Variants in CEP19 observed in about 807,000 individuals in gnomAD.
The protein encoded by CEP19 is centrosomal protein of 19 kDa.
A neutral mutation model predicts 17.5 loss-of-function variants in CEP19; 14 were observed. The ratio of observed to expected loss-of-function variants is 0.80; its 90% CI spans 0.53 to 1.25. CEP19 has a LOEUF of 1.25. CEP19 is among the 50% of genes most tolerant of loss of function. The pLI is 0.00. For synonymous variants in CEP19, 59 were observed against 65.5 expected, an observed-to-expected ratio of 0.90 and a Z score of 0.48; for missense variants, 193 against 192.0, an observed-to-expected ratio of 1.01 and a Z score of -0.03.
At chr3:196,710,187 T>C (rs1026589599) in intron 1 of CEP19, among the ~76,000 whole-genome samples, 2 of 152,350 alleles carry the variant, frequency 1.3e-5, no homozygotes, top group African/African-American at 2.4e-5. Context: ...TTTTATTTTA[T>C]GGATGTACTA....
chr3:196,708,780 C>T, intron 1 of CEP19, 53 bp from the exon 2 acceptor site: 1 of 974,732 alleles, frequency 1.0e-6, no homozygotes, highest in Non-Finnish European at 1.5e-6. Flanking sequence ...TTCCCCTCGC[C>T]CCTTTGCCCC....
Position 196,707,748 on chromosome 3 carries a change from T to G in CEP19, c.295A>C (p.Ile99Leu). Residue 99 changes from isoleucine (I) to leucine (L), a missense_variant, in exon 3 of 3, where the codon ATT becomes CTT. Transcript: ENST00000409690. ...TTGTTCAGGTCTTCCTCAGGATCAATGGTTGTTTCCCGTTGAATTTGTTCC... is the reference window on the plus strand; with the variant it reads ...TTGTTCAGGTCTTCCTCAGGATCAAGGGTTGTTTCCCGTTGAATTTGTTCC... ...TMEQIQRETT[I>L]DPEEDLNKLD... 1 of 1,614,196 alleles carries G rather than the reference T, an allele frequency of 6.2e-7. No individual in the cohort carries two copies. Among genetic ancestry groups the G allele is most frequent in the South Asian group, 1.1e-5 (1 of 91,082 alleles).
At chr3:196,709,851 T>C (rs28454416) in intron 1 of CEP19, among the ~76,000 whole-genome samples, 92 of 152,296 alleles carry the variant, frequency 6.0e-4, no homozygotes, top group African/African-American at 2.1e-3. Context: ...TCAAGAAACA[T>C]TGAGGTAAAG....
chr3:196,707,877 G>T lies in CEP19; in HGVS notation c.166C>A (p.Pro56Thr). ...TGTTCTAGGTAACTCTTGTGTCGCG[G>T]ATTATTCTTTAATTGTTCAGCAGCT... Reference protein sequence around the residue: ...TRAAEQLKNNPRHKSYLEQVS... With the variant: ...TRAAEQLKNNTRHKSYLEQVS... The change falls in exon 3 of 3, where the codon CCG (proline) becomes ACG (threonine). Residue 56 changes from proline to threonine, a missense_variant. Physicochemically the swap from Pro to Thr is conservative, Grantham distance 38. Transcript: ENST00000409690. 6.2e-7 allele frequency: 1 copy of T among 1,612,848 alleles called. No homozygotes were observed. Among genetic ancestry groups the T allele is most frequent in the Non-Finnish European group, 8.5e-7 (1 of 1,179,970 alleles).
chr3:196,710,806 C>T (rs963062658), intron 1 of CEP19, among the ~76,000 whole-genome samples: 12 of 134,856 alleles, frequency 8.9e-5, no homozygotes, highest in African/African-American at 3.1e-4. Flanking sequence ...GGTGCCACTG[C>T]ACAACAGCCT....
Position 196,707,799 on chromosome 3 carries a change from A to G in CEP19, c.244T>C (p.Ser82Pro). Residue 82 changes from serine (S) to proline (P), a missense_variant, in exon 3 of 3, where the codon TCG becomes CCG. Coordinates refer to ENST00000409690, the MANE Select transcript of CEP19 (RefSeq NM_032898.5). Reference sequence around the variant, plus strand: ...ATTGTTTCTGCCAGACTCTGCCCCGACAAGTAACCTCGTAAAAAACTGAAT... The same window carrying G: ...ATTGTTTCTGCCAGACTCTGCCCCGGCAAGTAACCTCGTAAAAAACTGAAT... ...KLFSFLRGYLSGQSLAETMEQ... is the reference protein window; with the variant it reads ...KLFSFLRGYLPGQSLAETMEQ... The G allele has an allele frequency of 6.2e-7, 1 of 1,614,128 alleles. No homozygotes were observed. Among genetic ancestry groups the G allele is most frequent in the South Asian group, 1.1e-5 (1 of 91,080 alleles).
intron 2 of CEP19, among the ~76,000 whole-genome samples, chr3:196,708,134 G>A (rs997807015): frequency 2.6e-5 from 4 of 152,054 alleles, no homozygotes; most frequent in Non-Finnish European, 2.9e-5. Flanking sequence ...ATACAGTTTT[G>A]ACTTCTTTAA....
chr3:196,706,429 C>A lies in CEP19; in HGVS notation c.*1122G>T, dbSNP rs1056355314. 6.6e-6 allele frequency: 1 copy of A among 152,180 alleles called. No homozygotes were observed. Among genetic ancestry groups the A allele is most frequent in the African/African-American group, 2.4e-5 (1 of 41,438 alleles). The allele number at this position is 152,180 out of a possible 1,614,324, so 9.4% of individuals were successfully genotyped here. On this transcript the variant is annotated 3_prime_UTR_variant, in exon 3 of 3. Transcript: ENST00000409690. ...GCTGTCTTGCAGATCCATTCATGAA[C>A]AGGCCTAAACTGGCAGTGCCTATTG...
chr3:196,710,155 CATTTT>C (rs1287047485), intron 1 of CEP19, among the ~76,000 whole-genome samples: 2 of 152,124 alleles, frequency 1.3e-5, no homozygotes, highest in Non-Finnish European at 2.9e-5. Flanking sequence ...TACAATGTAA[CATTTT>C]ATATGACTGC....
At chr3:196,710,883 T>G (rs1286492626) in intron 1 of CEP19, among the ~76,000 whole-genome samples, 3 of 147,778 alleles carry the variant, frequency 2.0e-5, no homozygotes, top group African/African-American at 7.4e-5. Context: ...TTTAAAAAAT[T>G]ACTGTGCTCT....
At position 196,712,117 on chromosome 3, in the gene CEP19, G is replaced by T. The variant is rs1311456268; in HGVS notation, c.-259C>A. On this transcript the variant is annotated 5_prime_UTR_variant, in exon 1 of 3. Coordinates refer to ENST00000409690, the MANE Select transcript of CEP19 (RefSeq NM_032898.5). ...GAGCCCGAGGGGTGAACTCCCCGGCGGGAGGCCCGAACCCTCAAACACCGG... is the reference window on the plus strand; with the variant it reads ...GAGCCCGAGGGGTGAACTCCCCGGCTGGAGGCCCGAACCCTCAAACACCGG... 4.8e-6 allele frequency: 3 copies of T among 620,272 alleles called. No individual in the cohort carries two copies. Among genetic ancestry groups the T allele is most frequent in the Non-Finnish European group, 8.9e-6 (3 of 337,570 alleles). 38.4% of individuals were successfully genotyped at this position (620,272 alleles called of 1,614,324 possible). A position where few individuals can be genotyped will look rare whatever the true frequency, so the allele number is the denominator to read the frequency against.
Position 196,708,569 on chromosome 3 carries a change from C to T in CEP19, c.89G>A (p.Arg30His), listed in dbSNP as rs372601480. The change falls in exon 2 of 3, where the codon CGC becomes CAC. Residue 30 changes from arginine (R) to histidine (H), a missense_variant. Transcript: ENST00000409690. ...IYESEIKGKI[R>H]QRIMPVRNFS... ...GTTTCGAACTGGCATAATGCGCTGG[C>T]GAATTTTCCCCTTGATTTCACTCTC... The T allele has an allele frequency of 1.3e-5, 21 of 1,614,110 alleles. No homozygotes were observed. The African/African-American group carries it at 1.3e-4, about 10-fold the overall frequency.
At chr3:196,709,447 G>A (rs1249794173) in intron 1 of CEP19, among the ~76,000 whole-genome samples, 2 of 152,180 alleles carry the variant, frequency 1.3e-5, no homozygotes, top group African/African-American at 2.4e-5. Flanking sequence ...TACCTGGAAC[G>A]TAGTGGGCAT....
intron 2 of CEP19, 35 bp from the exon 3 acceptor site, chr3:196,707,947 T>A: frequency 1.3e-6 from 2 of 1,582,206 alleles, no homozygotes; most frequent in Non-Finnish European, 1.7e-6. Flanking sequence ...ACCACATACG[T>A]ACCACGTACA....
Position 196,709,210 on chromosome 3 carries a change from T to TA in CEP19, c.-70-484dup, listed in dbSNP as rs200516859. Among the ~76,000 whole-genome samples the TA allele has an allele frequency of 4.6e-3, 697 of 152,330 alleles. 7 individuals are homozygous for TA. Among genetic ancestry groups the TA allele is most frequent in the African/African-American group, 0.016 (674 of 41,574 alleles). On this transcript the variant is annotated intron_variant, in intron 1 of 2. Transcript: ENST00000409690. Reference sequence around the variant, plus strand: ...ACTATTTATCAATTAAGAAAGGGCATATCGAGCATCCTCGGTATCAAGGTA... The same window carrying TA: ...ACTATTTATCAATTAAGAAAGGGCATAATCGAGCATCCTCGGTATCAAGGTA...
At chr3:196,708,859 T>A (rs1330271858) in intron 1 of CEP19, 132 bp from the exon 2 acceptor site, 1 of 560,010 alleles carries the variant, frequency 1.8e-6, no homozygotes, top group Non-Finnish European at 3.1e-6. Flanking sequence ...TTTTTAAAAT[T>A]AAAATACGGA....
At chr3:196,708,211 ATAT>A (rs529726738) in intron 2 of CEP19, among the ~76,000 whole-genome samples, 21 of 152,348 alleles carry the variant, frequency 1.4e-4, no homozygotes, top group African/African-American at 4.6e-4. Flanking sequence ...AAGAAAAGTG[ATAT>A]TATAGCTTTT....
rs572178094 is a variant in CEP19 at position 196,707,467 on chromosome 3, T to A, written c.*84A>T. The A allele has an allele frequency of 5.0e-6, 7 of 1,412,938 alleles. No homozygotes were observed. The highest frequency in any genetic ancestry group is 5.7e-6 in the Non-Finnish European group (6 of 1,048,760). 87.5% of individuals were successfully genotyped at this position (1,412,938 alleles called of 1,614,324 possible). A position where few individuals can be genotyped will look rare whatever the true frequency, so the allele number is the denominator to read the frequency against. On this transcript the variant is annotated 3_prime_UTR_variant, in exon 3 of 3. Transcript: ENST00000409690. ...ATCCCCTATAACCCAACATATTTAG[T>A]ATTCTTTACAGCTTCTTCCAGAACC...
At position 196,706,694 on chromosome 3, in the gene CEP19, G is replaced by A. The variant is rs902930159; in HGVS notation, c.*857C>T. The stretch of plus-strand genomic sequence containing the variant: ...AGGTAATTCCCTGGTAACCATATAT[G>A]TCCCCCAATCTTGTCTTGTCAAACT... On this transcript the variant is annotated 3_prime_UTR_variant, in exon 3 of 3. Coordinates refer to ENST00000409690, the MANE Select transcript of CEP19 (RefSeq NM_032898.5). 2 of 151,908 alleles carry A rather than the reference G, an allele frequency of 1.3e-5. No individual in the cohort carries two copies. The highest frequency in any genetic ancestry group is 4.8e-5 in the African/African-American group (2 of 41,338). 9.4% of individuals were successfully genotyped at this position (151,908 alleles called of 1,614,324 possible). A position where few individuals can be genotyped will look rare whatever the true frequency, so the allele number is the denominator to read the frequency against.
Sources: allele counts gnomAD v4.1 joint callset (sites outside exome capture counted in the v4.1 genomes callset), GRCh38; gene constraint gnomAD v4.1.1; transcripts MANE v1.5; gene names NCBI Gene and HGNC (gene_info 2026-07-23, HGNC 2026-07-21).